EXOC4: variants seen among roughly 807,000 people sequenced by gnomAD.
The protein encoded by EXOC4 is SEC8-like 1.
In EXOC4, 71 loss-of-function variants were observed where a neutral mutation model predicts 107.2. That is an observed-to-expected ratio of 0.66 (90% CI 0.55 to 0.81). The LOEUF is 0.81. Ranked by LOEUF, EXOC4 falls within the 30% of genes least tolerant of loss-of-function variation. The probability of loss-of-function intolerance (pLI) is 0.00; values close to 1 mark genes in which losing one functional copy is unlikely to be tolerated. For missense variants in EXOC4, 1,108 were observed against 1,189.6 expected, an observed-to-expected ratio of 0.93 and a Z score of 1.01; for synonymous variants, 456 against 441.2, an observed-to-expected ratio of 1.03 and a Z score of -0.42.
intron 5 of EXOC4, among the ~76,000 whole-genome samples, chr7:133,324,892 T>C (rs2150592901): frequency 6.6e-6 from 1 of 152,360 alleles, no homozygotes; most frequent in Middle Eastern, 3.4e-3. Flanking sequence ...ATCTGGGTGC[T>C]CCTGTATTGG....
chr7:133,600,022 T>C (rs542504161), intron 9 of EXOC4, among the ~76,000 whole-genome samples: 107 of 147,486 alleles, frequency 7.3e-4, no homozygotes, highest in African/African-American at 2.4e-3. Context: ...CACCTCAGCC[T>C]CCCAGGTAGC....
At chr7:133,680,242 G>A (rs1015676361) in intron 10 of EXOC4, among the ~76,000 whole-genome samples, 2 of 152,004 alleles carry the variant, frequency 1.3e-5, no homozygotes, top group Admixed American at 1.3e-4. Flanking sequence ...ACCAACTCAG[G>A]CATATGGGCC....
At chr7:133,941,821 TTCTCTCTCTCTC>T (rs67720946) in intron 14 of EXOC4, among the ~76,000 whole-genome samples, 1 of 129,544 alleles carries the variant, frequency 7.7e-6, no homozygotes, top group African/African-American at 2.8e-5. Context: ...TGCTTACAGA[TTCTCTCTCTCTC>T]TCTCTCTCTC....
intron 4 of EXOC4, among the ~76,000 whole-genome samples, chr7:133,313,955 T>C (rs1584802340): frequency 6.6e-6 from 1 of 152,326 alleles, no homozygotes; most frequent in South Asian, 2.1e-4. Flanking sequence ...CAGCTATGAA[T>C]GATTCTGAAT....
chr7:134,051,756 C>T lies in EXOC4; in HGVS notation c.2688-12535C>T, dbSNP rs537984508. Among the ~76,000 whole-genome samples, 15 of 151,084 alleles carry T rather than the reference C, an allele frequency of 9.9e-5. 1 individual carries two copies. In the South Asian group the frequency reaches 1.7e-3, roughly 17 times the overall value. ...ATCCCAGCACTTTGGAAGGCCAAGG[C>T]GGGTGGATCACGAGGTCAGGAGATC... On this transcript the variant is annotated intron_variant, in intron 17 of 17. Coordinates refer to ENST00000253861, the MANE Select transcript of EXOC4 (RefSeq NM_021807.4).
At chr7:133,315,560 G>C (rs1370093836) in intron 4 of EXOC4, 1 of 151,844 alleles carries the variant, frequency 6.6e-6, no homozygotes, top group Non-Finnish European at 1.5e-5. Flanking sequence ...AAAATGAGAA[G>C]ACAAAAGAAG....
chr7:133,875,067 T>C (rs1254474785), intron 11 of EXOC4, among the ~76,000 whole-genome samples: 2 of 152,236 alleles, frequency 1.3e-5, no homozygotes, highest in Non-Finnish European at 2.9e-5. Flanking sequence ...GAATCTGAGA[T>C]ACATGAAGAA....
Position 134,053,560 on chromosome 7 carries a change from T to TTATATATATA in EXOC4, c.2688-10727_2688-10718dup, listed in dbSNP as rs112636370. ...TATGCTGATGAAAGTATATCTGATT[T>TTATATATATA]TATATATATATATTTAAATATATAA... On this transcript the variant is annotated intron_variant, in intron 17 of 17. Coordinates refer to ENST00000253861, the MANE Select transcript of EXOC4 (RefSeq NM_021807.4). Among the ~76,000 whole-genome samples, 336 of 149,218 alleles carry TTATATATATA rather than the reference T, an allele frequency of 2.3e-3. 1 individual carries two copies. Among genetic ancestry groups the TTATATATATA allele is most frequent in the African/African-American group, 7.6e-3 (311 of 40,822 alleles).
intron 7 of EXOC4, among the ~76,000 whole-genome samples, chr7:133,402,987 C>G (rs1167230930): frequency 6.6e-6 from 1 of 150,544 alleles, no homozygotes; most frequent in East Asian, 2.0e-4. Flanking sequence ...CTGGTTCAAG[C>G]GATTATCCTG....
At position 133,880,022 on chromosome 7, in the gene EXOC4, A is replaced by C. The variant is rs116133490; in HGVS notation, c.1735-15577A>C. Among the ~76,000 whole-genome samples the C allele has an allele frequency of 2.4e-3, 358 of 152,222 alleles. 5 individuals are homozygous for C. The highest frequency in any genetic ancestry group is 8.0e-3 in the African/African-American group (334 of 41,536). ...TGTCTCCTAACTGCTACACATGACC[A>C]GCTCATCCTTCATCCCCAGCCTTCA... is the stretch of plus-strand genomic sequence containing the variant. On this transcript the variant is annotated intron_variant, in intron 11 of 17. Transcript: ENST00000253861.
intron 10 of EXOC4, among the ~76,000 whole-genome samples, chr7:133,661,802 G>A (rs952196270): frequency 6.6e-6 from 1 of 151,186 alleles, no homozygotes; most frequent in African/African-American, 2.4e-5. Context: ...ATGCTTTATA[G>A]GACTATATTG....
intron 13 of EXOC4, among the ~76,000 whole-genome samples, chr7:133,927,179 T>C (rs1426249939): frequency 6.6e-6 from 1 of 151,842 alleles, no homozygotes; most frequent in East Asian, 1.9e-4. Flanking sequence ...CAGTGAACTC[T>C]CTGAAAGTTA....
At chr7:133,875,896 T>C (rs1474960541) in intron 11 of EXOC4, among the ~76,000 whole-genome samples, 1 of 152,230 alleles carries the variant, frequency 6.6e-6, no homozygotes, top group Non-Finnish European at 1.5e-5. Context: ...TTGTTTTTAC[T>C]GGAAACAACA....
chr7:133,309,720 A>T (rs1035679870), intron 4 of EXOC4, among the ~76,000 whole-genome samples: 1 of 152,186 alleles, frequency 6.6e-6, no homozygotes, highest in South Asian at 2.1e-4. Flanking sequence ...TGGGAGGATC[A>T]TTTGAGGTCA....
chr7:133,349,915 T>C (rs1795870774), intron 5 of EXOC4, among the ~76,000 whole-genome samples: 1 of 152,008 alleles, frequency 6.6e-6, no homozygotes. Context: ...TTAGCTTTGA[T>C]TTGCATTTTC....
chr7:133,683,537 A>AT (rs1794231799), intron 10 of EXOC4, among the ~76,000 whole-genome samples: 1 of 152,128 alleles, frequency 6.6e-6, no homozygotes, highest in Non-Finnish European at 1.5e-5. Flanking sequence ...ATGAAAATAT[A>AT]CTGTGATAAT....
At chr7:133,927,280 T>TTAG (rs779292989) in intron 13 of EXOC4, among the ~76,000 whole-genome samples, 1 of 152,220 alleles carries the variant, frequency 6.6e-6, no homozygotes, top group Non-Finnish European at 1.5e-5. Flanking sequence ...GTTTTTGTCC[T>TTAG]TAGTAGGTCT....
intron 9 of EXOC4, among the ~76,000 whole-genome samples, chr7:133,532,806 TGAG>T (rs1457246341): frequency 2.0e-5 from 3 of 152,132 alleles, no homozygotes; most frequent in African/African-American, 7.2e-5. Flanking sequence ...AATTTACTTT[TGAG>T]GAGGAATTCT....
chr7:133,494,571 A>T (rs1238767563), intron 9 of EXOC4, among the ~76,000 whole-genome samples: 3 of 152,228 alleles, frequency 2.0e-5, no homozygotes, highest in Non-Finnish European at 4.4e-5. Context: ...TATGTCATGA[A>T]TCATTTTTTA....
Sources: allele counts gnomAD v4.1 joint callset (sites outside exome capture counted in the v4.1 genomes callset), GRCh38; gene constraint gnomAD v4.1.1; transcripts MANE v1.5; gene names NCBI Gene and HGNC (gene_info 2026-07-23, HGNC 2026-07-21).